UNC13C: variants seen among roughly 807,000 people sequenced by gnomAD.
UNC13C encodes the protein protein unc-13 homolog C.
Under a neutral mutation model 245.4 loss-of-function variants are expected in UNC13C, and 174 were observed. The ratio of observed to expected loss-of-function variants is 0.71; its 90% CI spans 0.63 to 0.80. The LOEUF (loss-of-function observed/expected upper bound fraction) is 0.80, where lower values mean the gene tolerates loss of function less well. Ranked by LOEUF, UNC13C falls within the 30% of genes least tolerant of loss-of-function variation. The pLI, the probability that UNC13C is intolerant of heterozygous loss-of-function variation, is 0.00. For missense variants in UNC13C, 2,829 were observed against 2,602.9 expected (o/e 1.09, Z -1.89); for synonymous variants, 992 against 895.1 (o/e 1.11, Z -1.93).
At chr15:54,194,931 A>T (rs1297011385) in intron 4 of UNC13C, among the ~76,000 whole-genome samples, 1 of 152,208 alleles carries the variant, frequency 6.6e-6, no homozygotes, top group African/African-American at 2.4e-5. Context: ...ACAGGAAAGG[A>T]TCAAAGAATT....
At chr15:53,903,654 A>G in the UNC13C span, among the ~76,000 whole-genome samples, 1 of 152,190 alleles carries the variant, frequency 6.6e-6, no homozygotes, top group Non-Finnish European at 1.5e-5. Context: ...ACTGTTCAAG[A>G]CCTACTCTGA....
chr15:54,012,440 T>A (rs1197207580), intron 1 of UNC13C, among the ~76,000 whole-genome samples: 1 of 152,194 alleles, frequency 6.6e-6, no homozygotes, highest in African/African-American at 2.4e-5. Flanking sequence ...AAATGATTTA[T>A]CAAAAAACAT....
chr15:54,129,150 A>T (rs1326173446), intron 2 of UNC13C, among the ~76,000 whole-genome samples: 1 of 152,198 alleles, frequency 6.6e-6, no homozygotes, highest in African/African-American at 2.4e-5. Flanking sequence ...AGTAATAGGG[A>T]GAGTAGGTCT....
intron 30 of UNC13C, among the ~76,000 whole-genome samples, chr15:54,570,931 T>G (rs1421548607): frequency 6.6e-6 from 1 of 152,104 alleles, no homozygotes; most frequent in Non-Finnish European, 1.5e-5. Flanking sequence ...ATTATTGGAG[T>G]CTTATTTATA....
intron 2 of UNC13C, among the ~76,000 whole-genome samples, chr15:54,044,731 T>C (rs754093741): frequency 6.6e-6 from 1 of 152,216 alleles, no homozygotes; most frequent in Non-Finnish European, 1.5e-5. Context: ...TGTTATCAGA[T>C]ACATATAGAT....
At chr15:54,605,474 T>C (rs973008660) in intron 30 of UNC13C, among the ~76,000 whole-genome samples, 3 of 152,190 alleles carry the variant, frequency 2.0e-5, no homozygotes, top group African/African-American at 7.2e-5. Flanking sequence ...GGAGCCCCCA[T>C]ACTTGTAGGT....
intron 2 of UNC13C, among the ~76,000 whole-genome samples, chr15:54,103,752 TA>T (rs1900284954): frequency 6.6e-6 from 1 of 152,098 alleles, no homozygotes; most frequent in Admixed American, 6.5e-5. Flanking sequence ...TTTATTTATT[TA>T]TTTTTTTATG....
chr15:54,610,252 T>G (rs1900011315), intron 30 of UNC13C, among the ~76,000 whole-genome samples: 1 of 152,180 alleles, frequency 6.6e-6, no homozygotes, highest in African/African-American at 2.4e-5. Flanking sequence ...AGCTTTTTTT[T>G]TGAGATGGAG....
intron 19 of UNC13C, among the ~76,000 whole-genome samples, chr15:54,429,438 A>C (rs2040824166): frequency 6.6e-6 from 1 of 151,724 alleles, no homozygotes; most frequent in Admixed American, 6.6e-5. Context: ...TAATTTTCTC[A>C]AATCACAACA....
intron 4 of UNC13C, among the ~76,000 whole-genome samples, chr15:54,231,273 T>A (rs915052660): frequency 6.6e-6 from 1 of 152,126 alleles, no homozygotes; most frequent in Non-Finnish European, 1.5e-5. Flanking sequence ...ACATTAAGTC[T>A]GAGGTAAAAT....
intron 1 of UNC13C, among the ~76,000 whole-genome samples, chr15:53,979,794 C>A (rs1200386196): frequency 1.3e-5 from 2 of 152,046 alleles, no homozygotes; most frequent in Non-Finnish European, 2.9e-5. Flanking sequence ...CTTTAAGAAG[C>A]TAAAATTGTA....
intron 26 of UNC13C, among the ~76,000 whole-genome samples, chr15:54,541,037 A>G (rs1368587365): frequency 6.6e-6 from 1 of 152,022 alleles, no homozygotes; most frequent in Admixed American, 6.6e-5. Context: ...CCAGCAAGCT[A>G]AAAATGGTAC....
At chr15:54,122,044 C>T (rs546487583) in intron 2 of UNC13C, among the ~76,000 whole-genome samples, 7 of 151,964 alleles carry the variant, frequency 4.6e-5, no homozygotes, top group Admixed American at 2.0e-4. Context: ...CTATAGGTTG[C>T]TTTGGACTTT....
Position 54,261,522 on chromosome 15 carries a change from G to GTTTGTTTGT in UNC13C, c.3449-2639_3449-2638insGTTTTGTTT, listed in dbSNP as rs372218365. Among the ~76,000 whole-genome samples, 1,056 of 150,662 alleles carry GTTTGTTTGT rather than the reference G, an allele frequency of 7.0e-3. 17 individuals carry two copies. The highest frequency in any genetic ancestry group is 0.025 in the African/African-American group (1,001 of 40,846). ...AATGCAAAAGTAGAAATTTTTGTTTGTTTGTTTTGTTTTGTTTTGTTTTGT... is the reference window on the plus strand; with the variant it reads ...AATGCAAAAGTAGAAATTTTTGTTTGTTTGTTTGTTTTGTTTTGTTTTGTTTTGTTTTGT... On this transcript the variant is annotated intron_variant, in intron 8 of 32. Coordinates refer to ENST00000260323, the MANE Select transcript of UNC13C (RefSeq NM_001080534.3).
chr15:54,499,674 T>G (rs979410140), intron 20 of UNC13C, among the ~76,000 whole-genome samples: 2 of 151,802 alleles, frequency 1.3e-5, no homozygotes, highest in African/African-American at 2.4e-5. Context: ...AACTAAGGAG[T>G]CTGAGGTAAG....
chr15:54,070,472 T>C (rs892474858), intron 2 of UNC13C, among the ~76,000 whole-genome samples: 1 of 152,122 alleles, frequency 6.6e-6, no homozygotes, highest in African/African-American at 2.4e-5. Context: ...GGAATGGAAT[T>C]TGAGTCTGAA....
At chr15:54,025,565 G>A (rs533057925) in intron 2 of UNC13C, among the ~76,000 whole-genome samples, 15 of 152,260 alleles carry the variant, frequency 9.9e-5, no homozygotes, top group African/African-American at 2.4e-4. Context: ...GTACTTTGGC[G>A]TTTATCTTCC....
intron 1 of UNC13C, among the ~76,000 whole-genome samples, chr15:53,981,157 G>A (rs1223396531): frequency 6.6e-6 from 1 of 152,096 alleles, no homozygotes; most frequent in Admixed American, 6.5e-5. Flanking sequence ...TTTCATTTCT[G>A]TTAACCTTTT....
the UNC13C span, among the ~76,000 whole-genome samples, chr15:53,866,100 G>C: frequency 1.3e-5 from 2 of 152,124 alleles, no homozygotes; most frequent in Non-Finnish European, 2.9e-5. Context: ...GTGGTAAACA[G>C]GGATAGTAGA....
Sources: gnomAD v4.1 joint callset for allele counts (sites outside exome capture counted in the v4.1 genomes callset) on GRCh38, gnomAD v4.1.1 for gene constraint, MANE v1.5 for transcripts, NCBI Gene and HGNC (gene_info 2026-07-23, HGNC 2026-07-21) for gene names.